DHRS7C: variants seen among roughly 807,000 people sequenced by gnomAD.
DHRS7C encodes dehydrogenase/reductase 7C, also known as dehydrogenase/reductase SDR family member 7C.
A neutral mutation model predicts 29.6 loss-of-function variants in DHRS7C; 28 were observed. That is an observed-to-expected ratio of 0.95 (90% CI 0.70 to 1.30). The LOEUF (loss-of-function observed/expected upper bound fraction) is 1.30. Ranked by LOEUF, DHRS7C falls within the 50% of genes most tolerant of loss-of-function variation. The pLI is 0.00. For missense variants in DHRS7C, 403 were observed against 393.3 expected, an observed-to-expected ratio of 1.02 and a Z score of -0.21; for synonymous variants, 158 against 160.2, an observed-to-expected ratio of 0.99 and a Z score of 0.10.
At position 9,791,213 on chromosome 17, in the gene DHRS7C, T is replaced by C. The variant is rs375493603; in HGVS notation, c.72A>G (p.Gln24=). 2.5e-6 allele frequency: 4 copies of C among 1,613,582 alleles called. No individual in the cohort carries two copies. The South Asian group carries it at 3.3e-5, about 13-fold the overall frequency. Reference sequence around the variant, plus strand: ...ACTTTGACCACAGCCTGGACACCTCTTGGTAAATGAAGAGGAGGCCGCTGA... The same window carrying C: ...ACTTTGACCACAGCCTGGACACCTCCTGGTAAATGAAGAGGAGGCCGCTGA... ...LGISGLLFIY[Q]EVSRLWSKSA... is the part of the protein sequence containing the mutation. Residue 24 remains glutamine (Q), a synonymous_variant, in exon 1 of 6, where the codon CAA becomes CAG. Transcript: ENST00000571134.
rs372784114 is a variant in DHRS7C at position 9,781,483 on chromosome 17, T to C, written c.266A>G (p.Lys89Arg). 4.1e-5 allele frequency: 66 copies of C among 1,613,836 alleles called. No homozygotes were observed. The highest frequency in any genetic ancestry group is 1.0e-4 in the Admixed American group (6 of 60,010). The stretch of plus-strand genomic sequence containing the variant: ...ACGCCTACTGCTAGAAGACCTTACC[T>C]TGCTGGGGTCAGCCACGCTGATCAA... ...DALISVADPS[K>R]TFTPKLVLLD... The change falls in exon 2 of 6, where the codon AAG (lysine) becomes AGG (arginine). Residue 89 changes from lysine to arginine, a missense_variant and splice_region_variant. Coordinates refer to ENST00000571134, the MANE Select transcript of DHRS7C (RefSeq NM_001105571.3).
intron 1 of DHRS7C, among the ~76,000 whole-genome samples, chr17:9,786,281 C>T (rs1327346235): frequency 6.0e-5 from 9 of 151,092 alleles, no homozygotes; most frequent in East Asian, 5.8e-4. Flanking sequence ...GAGCTGAGAT[C>T]GTGCCACTGC....
chr17:9,784,785 C>T (rs1019499283), intron 1 of DHRS7C, among the ~76,000 whole-genome samples: 2 of 152,112 alleles, frequency 1.3e-5, no homozygotes, highest in Admixed American at 1.3e-4. Context: ...ATCAGATAAT[C>T]AAAAACAAAA....
intron 1 of DHRS7C, among the ~76,000 whole-genome samples, chr17:9,790,699 C>G (rs555310439): frequency 1.3e-5 from 2 of 152,334 alleles, no homozygotes; most frequent in East Asian, 3.9e-4. Context: ...CTGCTGTTAT[C>G]CTCGCCTTAC....
At chr17:9,782,459 C>T (rs2066398317) in intron 1 of DHRS7C, among the ~76,000 whole-genome samples, 1 of 152,106 alleles carries the variant, frequency 6.6e-6, no homozygotes. Context: ...TGGTTTGATC[C>T]AGGAAAGACT....
At chr17:9,782,293 A>C (rs1318901148) in intron 1 of DHRS7C, among the ~76,000 whole-genome samples, 1 of 152,234 alleles carries the variant, frequency 6.6e-6, no homozygotes. Flanking sequence ...CTTATGAGAC[A>C]GTATCTTTAG....
intron 1 of DHRS7C, among the ~76,000 whole-genome samples, chr17:9,782,566 T>A (rs1369875181): frequency 6.6e-6 from 1 of 152,178 alleles, no homozygotes; most frequent in Non-Finnish European, 1.5e-5. Context: ...TCTCTGGGGG[T>A]GCGTGCATAG....
At chr17:9,784,212 C>T (rs1255192503) in intron 1 of DHRS7C, among the ~76,000 whole-genome samples, 1 of 152,142 alleles carries the variant, frequency 6.6e-6, no homozygotes, top group African/African-American at 2.4e-5. Context: ...GTGGCTCACA[C>T]CTGTAATCCC....
chr17:9,784,067 A>G (rs944674104), intron 1 of DHRS7C, among the ~76,000 whole-genome samples: 8 of 152,120 alleles, frequency 5.3e-5, no homozygotes, highest in African/African-American at 1.9e-4. Flanking sequence ...CAAAACAGAA[A>G]TAGACGAAGA....
chr17:9,781,491 G>A lies in DHRS7C; in HGVS notation c.258C>T (p.Asp86=), dbSNP rs763663967. The change falls in exon 2 of 6, where the codon GAC becomes GAT. Residue 86 remains aspartate, a synonymous_variant. Transcript: ENST00000571134. The part of the protein sequence containing the change: ...NLYDALISVA[D]PSKTFTPKLV... ...TGCTAGAAGACCTTACCTTGCTGGG[G>A]TCAGCCACGCTGATCAAGGCATCAT... 29 of 1,613,796 alleles carry A rather than the reference G, an allele frequency of 1.8e-5. No homozygotes were observed. The highest frequency in any genetic ancestry group is 2.2e-5 in the Non-Finnish European group (26 of 1,179,836).
intron 1 of DHRS7C, among the ~76,000 whole-genome samples, chr17:9,790,928 C>A (rs1208103848): frequency 2.6e-5 from 4 of 152,208 alleles, no homozygotes; most frequent in Non-Finnish European, 5.9e-5. Context: ...CTAGATATTC[C>A]ACCACCCTCA....
At chr17:9,784,494 CAG>C (rs1001052990) in intron 1 of DHRS7C, among the ~76,000 whole-genome samples, 3 of 152,050 alleles carry the variant, frequency 2.0e-5, no homozygotes, top group African/African-American at 7.2e-5. Context: ...CAAAACAAAA[CAG>C]AAAATCTTAC....
rs563336554 is a variant in DHRS7C, at chr17:9,779,574, C to A, written c.478+251G>T. ...ATGTAAGGAGAGAGAAGTAAAAGGG[C>A]AAAGCTTGGGTGGGGAGAGGGGTTT... is the stretch of plus-strand genomic sequence containing the variant. On this transcript the variant is annotated intron_variant, in intron 3 of 5. Transcript: ENST00000571134. 1.3e-5 allele frequency among the ~76,000 whole-genome samples: 2 copies of A among 152,168 alleles called. 1 individual carries two copies. The highest frequency in any genetic ancestry group is 4.2e-4 in the South Asian group (2 of 4,812).
chr17:9,771,821 G>A (rs1387191061), intron 5 of DHRS7C, 125 bp from the exon 6 acceptor site: 3 of 1,014,338 alleles, frequency 3.0e-6, no homozygotes, highest in Non-Finnish European at 3.9e-6. Flanking sequence ...ACAGGTTCCA[G>A]GCCCCCTCCG....
At chr17:9,780,691 G>T (rs1379024451) in intron 2 of DHRS7C, among the ~76,000 whole-genome samples, 1 of 152,190 alleles carries the variant, frequency 6.6e-6, no homozygotes, top group African/African-American at 2.4e-5. Context: ...GGGTTCCGTA[G>T]TCAAATTTGT....
intron 1 of DHRS7C, among the ~76,000 whole-genome samples, chr17:9,784,311 A>G (rs1272562629): frequency 6.6e-6 from 1 of 152,146 alleles, no homozygotes; most frequent in East Asian, 1.9e-4. Context: ...TCTCTACTAA[A>G]ACTACAAAAA....
At chr17:9,783,723 T>C (rs1159583410) in intron 1 of DHRS7C, among the ~76,000 whole-genome samples, 1 of 152,152 alleles carries the variant, frequency 6.6e-6, no homozygotes, top group Non-Finnish European at 1.5e-5. Context: ...TCCAGCACTT[T>C]GGGAGGCCAA....
At chr17:9,776,269 A>G (rs1249622272) in intron 4 of DHRS7C, among the ~76,000 whole-genome samples, 1 of 152,192 alleles carries the variant, frequency 6.6e-6, no homozygotes, top group East Asian at 1.9e-4. Flanking sequence ...GCACGTGCAC[A>G]GAGGAAAGAC....
rs74413873 is a variant in DHRS7C, at chr17:9,779,551, G to A, written c.478+274C>T. ...GTCGAATTGGAGGGAAGCCATGGAT[G>A]TAAGGAGAGAGAAGTAAAAGGGCAA... On this transcript the variant is annotated intron_variant, in intron 3 of 5. Coordinates refer to ENST00000571134, the MANE Select transcript of DHRS7C (RefSeq NM_001105571.3). 3.8e-3 allele frequency among the ~76,000 whole-genome samples: 583 copies of A among 152,324 alleles called. 2 individuals carry two copies. Among genetic ancestry groups the A allele is most frequent in the African/African-American group, 0.013 (535 of 41,562 alleles).
Sources: gnomAD v4.1 joint callset for allele counts (sites outside exome capture counted in the v4.1 genomes callset) on GRCh38, gnomAD v4.1.1 for gene constraint, MANE v1.5 for transcripts, NCBI Gene and HGNC (gene_info 2026-07-23, HGNC 2026-07-21) for gene names.